The following DNAH9 variants were observed in gnomAD, a reference collection of about 807,000 sequenced individuals.
The protein encoded by DNAH9 is DNAH9 variant protein.
In DNAH9, 345 loss-of-function variants were observed where a neutral mutation model predicts 471.6. That is an observed-to-expected ratio of 0.73 (90% CI 0.67 to 0.80). The LOEUF (loss-of-function observed/expected upper bound fraction) is 0.80, where lower values mean the gene tolerates loss of function less well. DNAH9 is among the 30% of genes least tolerant of loss of function. The pLI is 0.00. For missense variants in DNAH9, 5,407 were observed against 5,609.2 expected, an observed-to-expected ratio of 0.96 and a Z score of 1.15; for synonymous variants, 2,093 against 2,123.6, an observed-to-expected ratio of 0.99 and a Z score of 0.40.
chr17:11,763,221 C>T (rs1292404061), intron 35 of DNAH9, among the ~76,000 whole-genome samples: 2 of 151,976 alleles, frequency 1.3e-5, no homozygotes, highest in Admixed American at 6.6e-5. Flanking sequence ...ATGAGAAAGT[C>T]CTCAGGAGAG....
chr17:11,725,267 C>T (rs1567751577), intron 27 of DNAH9, among the ~76,000 whole-genome samples: 1 of 152,198 alleles, frequency 6.6e-6, no homozygotes, highest in Non-Finnish European at 1.5e-5. Context: ...TCCATCACCT[C>T]CTCAGACAGG....
At chr17:11,818,428 TA>T (rs1555602557) in intron 45 of DNAH9, among the ~76,000 whole-genome samples, 515 of 139,510 alleles carry the variant, frequency 3.7e-3, no homozygotes, top group Non-Finnish European at 3.8e-3. Context: ...ACTCCGTATT[TA>T]AAAAAAAAAA....
intron 59 of DNAH9, among the ~76,000 whole-genome samples, chr17:11,896,787 T>C (rs1004645008): frequency 3.3e-5 from 5 of 152,170 alleles, no homozygotes; most frequent in Non-Finnish European, 7.3e-5. Flanking sequence ...CATTAAAAAA[T>C]GTTTTAAAAA....
chr17:11,664,348 C>T (rs1435142535), intron 14 of DNAH9, among the ~76,000 whole-genome samples: 1 of 152,130 alleles, frequency 6.6e-6, no homozygotes, highest in Non-Finnish European at 1.5e-5. Context: ...CTAAATCACT[C>T]AGTAGGATTG....
At chr17:11,602,155 G>A (rs2072400226) in intron 1 of DNAH9, among the ~76,000 whole-genome samples, 1 of 151,716 alleles carries the variant, frequency 6.6e-6, no homozygotes, top group Non-Finnish European at 1.5e-5. Flanking sequence ...CATAAGATTT[G>A]GAATCTCACA....
chr17:11,804,822 C>T (rs1474436621), intron 43 of DNAH9, among the ~76,000 whole-genome samples: 1 of 150,666 alleles, frequency 6.6e-6, no homozygotes, highest in Non-Finnish European at 1.5e-5. Context: ...TGCAGTGAGC[C>T]GAGATCGCGC....
chr17:11,611,119 G>A (rs1299509789), intron 3 of DNAH9, among the ~76,000 whole-genome samples: 2 of 151,926 alleles, frequency 1.3e-5, no homozygotes, highest in East Asian at 1.9e-4. Flanking sequence ...ATTTATTATC[G>A]TGCTGATAAA....
intron 28 of DNAH9, among the ~76,000 whole-genome samples, chr17:11,734,686 T>C (rs897181304): frequency 6.6e-6 from 1 of 152,222 alleles, no homozygotes; most frequent in Non-Finnish European, 1.5e-5. Context: ...CCAGACTTTG[T>C]GAAGGCTTCC....
At chr17:11,882,071 G>A (rs1157220557) in intron 55 of DNAH9, among the ~76,000 whole-genome samples, 1 of 152,200 alleles carries the variant, frequency 6.6e-6, no homozygotes, top group Admixed American at 6.5e-5. Context: ...ACAGTGTTAG[G>A]GTCATGTCTT....
At chr17:11,843,890 T>TATATATATATATATACAC (rs1389217941) in intron 49 of DNAH9, among the ~76,000 whole-genome samples, 32 of 127,206 alleles carry the variant, frequency 2.5e-4, no homozygotes, top group African/African-American at 9.6e-4. Context: ...TATATATATA[T>TATATATATATATATACAC]ACACATAGAG....
chr17:11,636,849 C>G, intron 9 of DNAH9, 65 bp downstream of exon 9: 1 of 1,401,310 alleles, frequency 7.1e-7, no homozygotes, highest in Non-Finnish European at 1.0e-6. Flanking sequence ...ACTCATTCCT[C>G]TTGTATTTGT....
chr17:11,927,604 A>T (rs908539291), intron 62 of DNAH9, among the ~76,000 whole-genome samples: 12 of 152,172 alleles, frequency 7.9e-5, no homozygotes, highest in African/African-American at 2.7e-4. Flanking sequence ...TGGATCTAAC[A>T]TCTTTTAACA....
At chr17:11,853,907 T>A (rs1176940524) in intron 49 of DNAH9, 96 bp from the exon 50 acceptor site, 1 of 1,250,532 alleles carries the variant, frequency 8.0e-7, no homozygotes, top group African/African-American at 1.5e-5. Context: ...AAAGCAGCCC[T>A]TTCAAACCGA....
At chr17:11,758,593 G>A (rs1027657601) in intron 35 of DNAH9, among the ~76,000 whole-genome samples, 1 of 152,100 alleles carries the variant, frequency 6.6e-6, no homozygotes, top group African/African-American at 2.4e-5. Context: ...TGTCAAGCAT[G>A]GGATATGATT....
At chr17:11,642,552 CA>C (rs200095343) in intron 10 of DNAH9, among the ~76,000 whole-genome samples, 4 of 150,464 alleles carry the variant, frequency 2.7e-5, no homozygotes, top group Admixed American at 1.3e-4. Flanking sequence ...AACTCCATCT[CA>C]AAAAAAAAGT....
chr17:11,736,332 C>T (rs1327527087), intron 28 of DNAH9, among the ~76,000 whole-genome samples: 2 of 152,202 alleles, frequency 1.3e-5, no homozygotes, highest in African/African-American at 4.8e-5. Context: ...GAAAACGATG[C>T]ATTTTCGATA....
At chr17:11,849,798 C>T (rs1567846511) in intron 49 of DNAH9, among the ~76,000 whole-genome samples, 1 of 152,316 alleles carries the variant, frequency 6.6e-6, no homozygotes, top group Middle Eastern at 3.4e-3. Flanking sequence ...CTGTCTCCCC[C>T]ACCTGAATGA....
chr17:11,610,656 C>G, intron 3 of DNAH9, 102 bp downstream of exon 3: 2 of 1,118,696 alleles, frequency 1.8e-6, no homozygotes, highest in Non-Finnish European at 2.5e-6. Context: ...CTATTCTTCC[C>G]TATAGGTATT....
In DNAH9 at chr17:11,701,165, C is replaced by T. The variant is rs2074587331; in HGVS notation, c.5069C>T (p.Thr1690Ile). Residue 1690 changes from threonine (T) to isoleucine (I), a missense_variant, in exon 24 of 69, where the codon ACT becomes ATT. Coordinates refer to ENST00000262442, the MANE Select transcript of DNAH9 (RefSeq NM_001372.4). ...LNHVLGHMKATVRHEMTEGVT... is the reference protein window; with the variant it reads ...LNHVLGHMKAIVRHEMTEGVT... ...CATGTCCTTGGTCACATGAAGGCCA[C>T]TGTGAGGCATGAGATGACAGAAGGT... The T allele has an allele frequency of 6.2e-7, 1 of 1,613,984 alleles. No homozygotes were observed. Among genetic ancestry groups the T allele is most frequent in the Non-Finnish European group, 8.5e-7 (1 of 1,179,976 alleles).
Sources: allele counts gnomAD v4.1 joint callset (sites outside exome capture counted in the v4.1 genomes callset), GRCh38; gene constraint gnomAD v4.1.1; transcripts MANE v1.5; gene names NCBI Gene and HGNC (gene_info 2026-07-23, HGNC 2026-07-21).